ADGRL3: variants seen among roughly 807,000 people sequenced by gnomAD.
The protein encoded by ADGRL3 is calcium-independent alpha-latrotoxin receptor 3.
ADGRL3 carries 62 observed loss-of-function variants against 153.5 expected under a neutral mutation model. The observed-to-expected ratio is 0.40, with a 90% CI of 0.33 to 0.50. ADGRL3 has a LOEUF of 0.50. ADGRL3 is among the 20% of genes least tolerant of loss of function. The pLI is 0.47. For missense variants in ADGRL3, 1,641 were observed against 1,859.4 expected, an observed-to-expected ratio of 0.88 and a Z score of 2.16; for synonymous variants, 710 against 672.5, an observed-to-expected ratio of 1.06 and a Z score of -0.86.
chr4:61,560,431 C>A (rs2098790099), intron 4 of ADGRL3, among the ~76,000 whole-genome samples: 1 of 151,826 alleles, frequency 6.6e-6, no homozygotes, highest in African/African-American at 2.4e-5. Context: ...TTTAAGTCAC[C>A]AGGAGAATCT....
intron 11 of ADGRL3, among the ~76,000 whole-genome samples, chr4:61,897,305 C>A (rs2098637301): frequency 6.6e-6 from 1 of 152,052 alleles, no homozygotes. Flanking sequence ...ATTAAAAAAA[C>A]CTTAGATTGA....
chr4:61,564,731 T>C (rs902356583), intron 4 of ADGRL3, among the ~76,000 whole-genome samples: 1 of 152,208 alleles, frequency 6.6e-6, no homozygotes, highest in Admixed American at 6.5e-5. Context: ...TTCCTAGCTT[T>C]AGTTAAAAGT....
At chr4:61,989,050 T>G (rs887876289) in intron 19 of ADGRL3, among the ~76,000 whole-genome samples, 1 of 152,068 alleles carries the variant, frequency 6.6e-6, no homozygotes, top group Non-Finnish European at 1.5e-5. Context: ...CCTCTGTTAA[T>G]TAAAAGACCC....
intron 2 of ADGRL3, among the ~76,000 whole-genome samples, chr4:61,494,954 G>A (rs570838347): frequency 7.9e-5 from 12 of 152,078 alleles, no homozygotes; most frequent in Non-Finnish European, 1.8e-4. Flanking sequence ...CCTACCACAT[G>A]CCAGCACTGT....
chr4:61,921,221 G>T (rs778636559), intron 13 of ADGRL3, among the ~76,000 whole-genome samples: 3 of 151,926 alleles, frequency 2.0e-5, no homozygotes, highest in Non-Finnish European at 4.4e-5. Flanking sequence ...AGCTAATATA[G>T]ACACATGGTA....
At chr4:61,936,609 T>C (rs1237868193) in intron 15 of ADGRL3, among the ~76,000 whole-genome samples, 2 of 152,138 alleles carry the variant, frequency 1.3e-5, no homozygotes, top group East Asian at 3.9e-4. Flanking sequence ...TATGTCCACA[T>C]TTCACTAATA....
At chr4:61,289,040 G>T (rs934197211) in intron 1 of ADGRL3, among the ~76,000 whole-genome samples, 1 of 151,856 alleles carries the variant, frequency 6.6e-6, no homozygotes, top group Non-Finnish European at 1.5e-5. Context: ...AAGATACCTA[G>T]ATATACGTAC....
At position 61,493,192 on chromosome 4, in the gene ADGRL3, A is replaced by G. The variant is rs140704246; in HGVS notation, c.-173-3929A>G. On this transcript the variant is annotated intron_variant, in intron 2 of 26. Transcript: ENST00000683033. ...TGCAAGTTTATTATATATATCCTCTAATTAGCACAGTATTGGAGTTGTGAG... is the reference window on the plus strand; with the variant it reads ...TGCAAGTTTATTATATATATCCTCTGATTAGCACAGTATTGGAGTTGTGAG... 4.0e-3 allele frequency among the ~76,000 whole-genome samples: 606 copies of G among 152,258 alleles called. 5 individuals are homozygous for G. The highest frequency in any genetic ancestry group is 0.014 in the African/African-American group (576 of 41,562).
intron 13 of ADGRL3, among the ~76,000 whole-genome samples, chr4:61,932,423 C>A (rs182311980): frequency 9.2e-5 from 14 of 152,192 alleles, no homozygotes; most frequent in Admixed American, 5.9e-4. Context: ...TTTTATGCAT[C>A]TATTAAGACA....
At chr4:61,792,263 T>TC (rs1561259129) in intron 8 of ADGRL3, among the ~76,000 whole-genome samples, 1 of 152,092 alleles carries the variant, frequency 6.6e-6, no homozygotes. Flanking sequence ...TCTTTCAAGT[T>TC]CAACGTTTCA....
At chr4:61,456,623 G>A (rs751986171) in intron 2 of ADGRL3, among the ~76,000 whole-genome samples, 30 of 150,962 alleles carry the variant, frequency 2.0e-4, no homozygotes, top group Non-Finnish European at 3.7e-4. Flanking sequence ...TAAAAAGTTT[G>A]GAGAAGAAGT....
chr4:62,017,969 C>T (rs1164377178), intron 21 of ADGRL3, among the ~76,000 whole-genome samples: 1 of 152,022 alleles, frequency 6.6e-6, no homozygotes, highest in Non-Finnish European at 1.5e-5. Context: ...CTGCAACCCC[C>T]AGCCTCCCGG....
chr4:61,817,698 C>T (rs1244235398), intron 9 of ADGRL3, among the ~76,000 whole-genome samples: 1 of 152,202 alleles, frequency 6.6e-6, no homozygotes, highest in African/African-American at 2.4e-5. Flanking sequence ...AATGGACTCA[C>T]ACTTCCACAT....
At chr4:61,723,917 C>T (rs560491545) in intron 6 of ADGRL3, among the ~76,000 whole-genome samples, 21 of 152,260 alleles carry the variant, frequency 1.4e-4, no homozygotes, top group African/African-American at 4.8e-4. Context: ...TCACCAAAGT[C>T]ATGAGTTTCG....
At chr4:61,994,916 CTTT>C (rs769150522) in intron 19 of ADGRL3, among the ~76,000 whole-genome samples, 4 of 140,320 alleles carry the variant, frequency 2.9e-5, no homozygotes, top group African/African-American at 2.6e-5. Flanking sequence ...CTTTGGTTTT[CTTT>C]TTTTTTTTTT....
intron 25 of ADGRL3, among the ~76,000 whole-genome samples, chr4:62,067,911 G>A (rs1437149792): frequency 3.3e-5 from 5 of 151,978 alleles, no homozygotes; most frequent in Admixed American, 3.3e-4. Context: ...ATTTACAAAT[G>A]GTGGAAACGC....
intron 8 of ADGRL3, among the ~76,000 whole-genome samples, chr4:61,793,695 A>T (rs2097371863): frequency 1.3e-5 from 2 of 152,126 alleles, no homozygotes; most frequent in Non-Finnish European, 2.9e-5. Context: ...TCCCACTCTC[A>T]GCCTACCCTC....
chr4:61,415,901 C>T (rs1578730402), intron 2 of ADGRL3, among the ~76,000 whole-genome samples: 1 of 152,010 alleles, frequency 6.6e-6, no homozygotes, highest in East Asian at 1.9e-4. Flanking sequence ...CAAGTCCTGA[C>T]ACTGACATAT....
chr4:61,927,009 T>C (rs2098797188), intron 13 of ADGRL3, among the ~76,000 whole-genome samples: 1 of 152,220 alleles, frequency 6.6e-6, no homozygotes, highest in South Asian at 2.1e-4. Flanking sequence ...TCCTACTTCA[T>C]GGAGCTTTTC....
Sources: allele counts gnomAD v4.1 joint callset (sites outside exome capture counted in the v4.1 genomes callset), GRCh38; gene constraint gnomAD v4.1.1; transcripts MANE v1.5; gene names NCBI Gene and HGNC (gene_info 2026-07-23, HGNC 2026-07-21).